The following NHSL1 variants were observed in gnomAD, a reference collection of about 807,000 sequenced individuals.
The protein encoded by NHSL1 is NHS-like protein 1.
NHSL1 carries 48 observed loss-of-function variants against 95.0 expected under a neutral mutation model. The observed-to-expected ratio is 0.51, with a 90% confidence interval of 0.40 to 0.64. The LOEUF is 0.64. Ranked by LOEUF, NHSL1 falls within the 30% of genes least tolerant of loss-of-function variation. The pLI is 0.00. For synonymous variants in NHSL1, 783 were observed against 833.9 expected, an observed-to-expected ratio of 0.94 and a Z score of 1.05; for missense variants, 1,971 against 2,077.7, an observed-to-expected ratio of 0.95 and a Z score of 1.00.
intron 1 of NHSL1, chr6:138,545,612 A>T: frequency 1.6e-6 from 2 of 1,288,708 alleles, no homozygotes; most frequent in Non-Finnish European, 2.0e-6. Context: ...ATGGACACGA[A>T]GTCCCCTCAC....
intron 1 of NHSL1, among the ~76,000 whole-genome samples, chr6:138,567,795 T>C (rs1783675007): frequency 6.6e-6 from 1 of 152,154 alleles, no homozygotes; most frequent in African/African-American, 2.4e-5. Context: ...GATTCAAAGC[T>C]GGTAACATTA....
intron 1 of NHSL1, among the ~76,000 whole-genome samples, chr6:138,587,687 A>G (rs1278212930): frequency 6.6e-6 from 1 of 152,124 alleles, no homozygotes; most frequent in Admixed American, 6.5e-5. Flanking sequence ...GAAGCCTGAC[A>G]TTTTTTCGAT....
In NHSL1 at chr6:138,431,963, C is replaced by T. The variant is rs1312073694; in HGVS notation, c.2382G>A (p.Gly794=). The part of the protein sequence containing the change: ...IDYTGMQEDP[G]NPAGGCSTSS... ...TGGTTGAACAGCCCCCTGCCGGGTT[C>T]CCCGGATCTTCCTGCATGCCCGTGT... Residue 794 remains glycine, a synonymous_variant, in exon 6 of 8, where the codon GGG becomes GGA. Transcript: ENST00000343505. The surrounding 1 kb of genome is among the most constrained non-coding windows in gnomAD (Gnocchi z 4.0). 5 of 1,551,744 alleles carry T rather than the reference C, an allele frequency of 3.2e-6. No individual in the cohort carries two copies. The highest frequency in any genetic ancestry group is 4.4e-6 in the Non-Finnish European group (5 of 1,147,006).
chr6:138,625,975 A>T (rs2114642519), intron 1 of NHSL1, among the ~76,000 whole-genome samples: 1 of 152,316 alleles, frequency 6.6e-6, no homozygotes, highest in South Asian at 2.1e-4. Flanking sequence ...TTGTTTCCTT[A>T]TCTTAGCTTT....
At chr6:138,473,989 T>C (rs933391860) in intron 2 of NHSL1, among the ~76,000 whole-genome samples, 1 of 152,158 alleles carries the variant, frequency 6.6e-6, no homozygotes, top group African/African-American at 2.4e-5. Context: ...AAATGCTGTG[T>C]GGAATTTAAT....
Position 138,430,747 on chromosome 6 carries a change from T to C in NHSL1, c.3598A>G (p.Lys1200Glu). ...RKPPPISKKP[K>E]LFLVVPPPQK... ...GGAGGTGGTACCACCAGGAACAGTT[T>C]GGGCTTCTTGGAAATGGGGGGTGGC... Residue 1200 changes from lysine (K) to glutamate (E), a missense_variant, in exon 6 of 8, where the codon AAA becomes GAA. Around this residue, in one of 3 missense-constraint regions of NHSL1, gnomAD observed 1,602 missense variants for 1,654.5 expected, o/e 0.97. Transcript: ENST00000343505. The surrounding 1 kb of genome is among the most constrained non-coding windows in gnomAD (Gnocchi z 4.7). 1 of 1,551,680 alleles carries C rather than the reference T, an allele frequency of 6.4e-7. No individual in the cohort carries two copies. The highest frequency in any genetic ancestry group is 8.7e-7 in the Non-Finnish European group (1 of 1,146,994).
upstream of NHSL1, among the ~76,000 whole-genome samples, chr6:138,693,044 G>T (rs1378595327): frequency 6.6e-6 from 1 of 151,530 alleles, no homozygotes; most frequent in Admixed American, 6.6e-5. The surrounding 1 kb of genome is among the most constrained non-coding windows in gnomAD (Gnocchi z 4.3). Flanking sequence ...GGCTTCGCGG[G>T]CCGCGCGGCG....
intron 3 of NHSL1, among the ~76,000 whole-genome samples, chr6:138,467,744 A>G (rs1433529114): frequency 6.6e-6 from 1 of 152,220 alleles, no homozygotes; most frequent in African/African-American, 2.4e-5. Context: ...TTTAAATAGA[A>G]AAATGGTTAC....
At position 138,423,957 on chromosome 6, in the gene NHSL1, G is replaced by C; in HGVS notation, c.*124C>G. ...CACACTGCAGGGCTGGCAACCCCGG[G>C]GCCCACAGCACAGAAGCAGAGTGGG... On this transcript the variant is annotated 3_prime_UTR_variant, in exon 8 of 8. Coordinates refer to ENST00000343505, the MANE Select transcript of NHSL1 (RefSeq NM_001144060.2). 1 of 1,027,670 alleles carries C rather than the reference G, an allele frequency of 9.7e-7. No homozygotes were observed. Among genetic ancestry groups the C allele is most frequent in the Non-Finnish European group, 1.3e-6 (1 of 795,316 alleles). The allele number at this position is 1,027,670 out of a possible 1,614,324, so 63.7% of individuals were successfully genotyped here. A position where few individuals can be genotyped will look rare whatever the true frequency, so the allele number is the denominator to read the frequency against.
intron 1 of NHSL1, among the ~76,000 whole-genome samples, chr6:138,534,848 A>G (rs1782273510): frequency 6.6e-6 from 1 of 152,200 alleles, no homozygotes; most frequent in African/African-American, 2.4e-5. Context: ...TGGAGCATCA[A>G]ACAAGAACAC....
chr6:138,429,625 C>T (rs780608825), intron 7 of NHSL1, 86 bp downstream of exon 7: 6 of 1,278,284 alleles, frequency 4.7e-6, no homozygotes, highest in Non-Finnish European at 5.3e-6. Flanking sequence ...CAGAAGAAAC[C>T]TCAAGGAAGA....
chr6:138,495,848 T>C (rs1351139824), intron 2 of NHSL1, among the ~76,000 whole-genome samples: 1 of 152,194 alleles, frequency 6.6e-6, no homozygotes, highest in Admixed American at 6.5e-5. Flanking sequence ...ACGTCTTATA[T>C]GGCGGCAGAC....
intron 1 of NHSL1, among the ~76,000 whole-genome samples, chr6:138,557,043 A>G (rs1253721316): frequency 1.3e-5 from 2 of 152,218 alleles, no homozygotes; most frequent in African/African-American, 4.8e-5. Context: ...ACAAAGCAGT[A>G]GATGATAATC....
At chr6:138,673,355 C>T (rs557613769) in intron 1 of NHSL1, among the ~76,000 whole-genome samples, 9 of 151,534 alleles carry the variant, frequency 5.9e-5, no homozygotes, top group East Asian at 5.8e-4. Flanking sequence ...TTGTCCTGCC[C>T]CATTAATATA....
chr6:138,600,154 T>A (rs184653938), intron 1 of NHSL1, among the ~76,000 whole-genome samples: 162 of 151,936 alleles, frequency 1.1e-3, no homozygotes, highest in African/African-American at 3.5e-3. Context: ...AAAAAAAAAA[T>A]ATTAATTAAT....
In NHSL1 at chr6:138,437,437, CACACACACAAAAAA is replaced by C. The variant is rs1776248180; in HGVS notation, c.665-3771_665-3758del. Among the ~76,000 whole-genome samples the C allele has an allele frequency of 8.0e-5, 3 of 37,354 alleles. 1 individual carries two copies. The highest frequency in any genetic ancestry group is 3.3e-4 in the African/African-American group (3 of 8,968). The allele number at this position is 37,354 out of a possible 152,430, so 24.5% of individuals were successfully genotyped here. On this transcript the variant is annotated intron_variant, in intron 5 of 7. Coordinates refer to ENST00000343505, the MANE Select transcript of NHSL1 (RefSeq NM_001144060.2). ...ATACACACACACACACACACACACA[CACACACACAAAAAA>C]AAAAAAAAAAAATACAATGCACCTA... is the stretch of plus-strand genomic sequence containing the variant.
chr6:138,508,437 G>C (rs13362638), intron 1 of NHSL1, among the ~76,000 whole-genome samples: 22,468 of 152,184 alleles, frequency 0.15, 2,324 homozygotes, highest in African/African-American at 0.3. Flanking sequence ...AGATTTCATA[G>C]GCCCCTAGAA....
chr6:138,625,631 CTTT>C (rs1339589127), intron 1 of NHSL1, among the ~76,000 whole-genome samples: 1 of 129,222 alleles, frequency 7.7e-6, no homozygotes. Context: ...TGTTTTTGTG[CTTT>C]TTTAATTAAA....
At chr6:138,649,114 T>G (rs1204289066) in intron 1 of NHSL1, among the ~76,000 whole-genome samples, 1 of 152,102 alleles carries the variant, frequency 6.6e-6, no homozygotes, top group Admixed American at 6.6e-5. Flanking sequence ...CTACACTTCA[T>G]CCACCATTAG....
Sources: allele counts gnomAD v4.1 joint callset (sites outside exome capture counted in the v4.1 genomes callset), GRCh38; gene constraint gnomAD v4.1.1; regional missense constraint gnomAD v4.1.1; non-coding constraint Gnocchi (gnomAD v3.1); transcripts MANE v1.5; gene names NCBI Gene and HGNC (gene_info 2026-07-23, HGNC 2026-07-21).